RAB8B: variants seen among roughly 807,000 people sequenced by gnomAD.
The protein encoded by RAB8B is ras-related protein Rab-8B.
A neutral mutation model predicts 32.0 loss-of-function variants in RAB8B; 11 were observed. That is an observed-to-expected ratio of 0.34 (90% CI 0.22 to 0.57). RAB8B has a LOEUF of 0.57. Ranked by LOEUF, RAB8B falls within the 20% of genes least tolerant of loss-of-function variation. RAB8B has a pLI of 0.86. For synonymous variants in RAB8B, 103 were observed against 89.6 expected (o/e 1.15, Z -0.85); for missense variants, 190 against 258.5 (o/e 0.73, Z 1.82).
intron 1 of RAB8B, among the ~76,000 whole-genome samples, chr15:63,232,879 C>G (rs2037946839): frequency 6.6e-6 from 1 of 152,090 alleles, no homozygotes; most frequent in Non-Finnish European, 1.5e-5. Context: ...AAACTTTAGA[C>G]TTCCTAATTT....
intron 2 of RAB8B, among the ~76,000 whole-genome samples, chr15:63,245,519 C>T (rs1182839479): frequency 1.3e-5 from 2 of 152,156 alleles, no homozygotes; most frequent in Non-Finnish European, 2.9e-5. Flanking sequence ...ATTGGGTGTC[C>T]TATACCTTTT....
chr15:63,242,246 A>T (rs911696256), intron 1 of RAB8B, among the ~76,000 whole-genome samples: 2 of 151,926 alleles, frequency 1.3e-5, no homozygotes, highest in African/African-American at 4.8e-5. Context: ...TACCACACAG[A>T]GAAAAAAGGA....
rs1387010389 is a variant in RAB8B at position 63,265,474 on chromosome 15, C to T, written c.*1855C>T. Reference sequence around the variant, plus strand: ...TGATTGAAAGTTTATTGTAATTCTACTATCTTCAAATTAGATACATTTTCA... The same window carrying T: ...TGATTGAAAGTTTATTGTAATTCTATTATCTTCAAATTAGATACATTTTCA... On this transcript the variant is annotated 3_prime_UTR_variant, in exon 8 of 8. Coordinates refer to ENST00000321437, the MANE Select transcript of RAB8B (RefSeq NM_016530.3). This position sits in a 1 kb window ranked among gnomAD's most constrained non-coding sequence, Gnocchi z 4.9. The T allele has an allele frequency of 1.3e-5, 2 of 152,004 alleles. No individual in the cohort carries two copies. The highest frequency in any genetic ancestry group is 3.9e-4 in the East Asian group (2 of 5,180). 9.4% of individuals were successfully genotyped at this position (152,004 alleles called of 1,614,324 possible).
intron 1 of RAB8B, among the ~76,000 whole-genome samples, chr15:63,203,013 CTA>C (rs1201638858): frequency 6.6e-6 from 1 of 152,210 alleles, no homozygotes; most frequent in African/African-American, 2.4e-5. Context: ...ATTGGTTTCT[CTA>C]TGGCCCAAAA....
intron 1 of RAB8B, among the ~76,000 whole-genome samples, chr15:63,234,659 C>T (rs2037963255): frequency 6.6e-6 from 1 of 152,232 alleles, no homozygotes; most frequent in Non-Finnish European, 1.5e-5. Flanking sequence ...TTACCCCTCA[C>T]TGGTGCCACG....
At chr15:63,223,200 C>T in intron 1 of RAB8B, 1 of 373,018 alleles carries the variant, frequency 2.7e-6, no homozygotes, top group Admixed American at 3.1e-5. Context: ...CAACCTCCAC[C>T]TCCCGGGTTC....
intron 1 of RAB8B, among the ~76,000 whole-genome samples, chr15:63,231,439 A>G (rs2037935487): frequency 1.3e-5 from 2 of 151,480 alleles, no homozygotes; most frequent in African/African-American, 4.8e-5. Context: ...TGATTTGGCA[A>G]TATGGTCTTC....
chr15:63,251,306 G>C, intron 3 of RAB8B: 1 of 455,980 alleles, frequency 2.2e-6, no homozygotes, highest in Non-Finnish European at 4.4e-6. Context: ...GGGATAAAAA[G>C]AACATCATAA....
In RAB8B at chr15:63,256,656, A is replaced by G. The variant is rs1198912178; in HGVS notation, c.414+62A>G. On this transcript the variant is annotated intron_variant, in intron 5 of 7. Coordinates refer to ENST00000321437, the MANE Select transcript of RAB8B (RefSeq NM_016530.3). ...CTCACATTAAGCATTTCTTTTCTTC[A>G]TATTATTTAATTATTGATTTTTTTT... 9 of 1,190,822 alleles carry G rather than the reference A, an allele frequency of 7.6e-6. 1 individual carries two copies. The highest frequency in any genetic ancestry group is 6.4e-5 in the African/African-American group (4 of 62,842). 73.8% of individuals were successfully genotyped at this position (1,190,822 alleles called of 1,614,324 possible). A position where few individuals can be genotyped will look rare whatever the true frequency, so the allele number is the denominator to read the frequency against.
chr15:63,254,113 G>A (rs764666577), intron 3 of RAB8B, among the ~76,000 whole-genome samples: 12 of 152,162 alleles, frequency 7.9e-5, no homozygotes, highest in Non-Finnish European at 1.6e-4. Flanking sequence ...CAATCCAGCG[G>A]TCTCTGGTTC....
chr15:63,259,766 G>T lies in RAB8B; in HGVS notation c.480+74G>T. On this transcript the variant is annotated intron_variant, in intron 6 of 7. Transcript: ENST00000321437. The surrounding 1 kb of genome is among the most constrained non-coding windows in gnomAD (Gnocchi z 4.4). Reference sequence around the variant, plus strand: ...GGGGCCTGTGTTCAAACAGCTCTCAGAGCTTTGGTATTTTCTGACCTAATG... The same window carrying T: ...GGGGCCTGTGTTCAAACAGCTCTCATAGCTTTGGTATTTTCTGACCTAATG... 7.6e-7 allele frequency: 1 copy of T among 1,316,498 alleles called. No individual in the cohort carries two copies. The highest frequency in any genetic ancestry group is 1.1e-6 in the Non-Finnish European group (1 of 919,566). 81.6% of individuals were successfully genotyped at this position (1,316,498 alleles called of 1,614,324 possible).
chr15:63,256,374 C>G, intron 4 of RAB8B, 131 bp from the exon 5 acceptor site: 1 of 611,438 alleles, frequency 1.6e-6, no homozygotes, highest in Non-Finnish European at 2.7e-6. Context: ...AAACTTTTCT[C>G]TGAATTAGGC....
At chr15:63,246,951 C>A (rs1295257681) in intron 2 of RAB8B, among the ~76,000 whole-genome samples, 1 of 152,102 alleles carries the variant, frequency 6.6e-6, no homozygotes, top group Non-Finnish European at 1.5e-5. Flanking sequence ...GAGCAGAGAC[C>A]AAATATGTTT....
intron 1 of RAB8B, among the ~76,000 whole-genome samples, chr15:63,218,673 G>A (rs2037813862): frequency 6.6e-6 from 1 of 152,114 alleles, no homozygotes; most frequent in South Asian, 2.1e-4. Flanking sequence ...TTTTGTGATG[G>A]GCGTTTCTCT....
intron 3 of RAB8B, among the ~76,000 whole-genome samples, chr15:63,252,015 A>G (rs2038120768): frequency 6.6e-6 from 1 of 152,014 alleles, no homozygotes; most frequent in African/African-American, 2.4e-5. Context: ...CCTGATGGAC[A>G]TTTGGGCTTT....
chr15:63,233,988 G>C (rs2037956944), intron 1 of RAB8B, among the ~76,000 whole-genome samples: 2 of 152,074 alleles, frequency 1.3e-5, no homozygotes, highest in South Asian at 4.1e-4. Flanking sequence ...TTTTTTTCAA[G>C]GTTCTCATGA....
chr15:63,232,471 T>G (rs1306437271), intron 1 of RAB8B, among the ~76,000 whole-genome samples: 1 of 152,202 alleles, frequency 6.6e-6, no homozygotes, highest in Non-Finnish European at 1.5e-5. Flanking sequence ...TATGATTAGA[T>G]CTTATGGGTA....
chr15:63,258,081 G>T (rs2038172729), intron 5 of RAB8B, among the ~76,000 whole-genome samples: 2 of 148,864 alleles, frequency 1.3e-5, no homozygotes, highest in South Asian at 2.2e-4. Context: ...AAAAAAAAAA[G>T]TAATTAAAAG....
Position 63,250,460 on chromosome 15 carries a change from C to A in RAB8B, c.246+755C>A, listed in dbSNP as rs376733815. Among the ~76,000 whole-genome samples, 102 of 152,298 alleles carry A rather than the reference C, an allele frequency of 6.7e-4. 1 individual carries two copies. Among genetic ancestry groups the A allele is most frequent in the African/African-American group, 2.4e-3 (99 of 41,550 alleles). Reference sequence around the variant, plus strand: ...ATCCCCCTGACCACCATTCTGCCAGCTGGCCGGAAAGAATCTGGTGAATCT... The same window carrying A: ...ATCCCCCTGACCACCATTCTGCCAGATGGCCGGAAAGAATCTGGTGAATCT... On this transcript the variant is annotated intron_variant, in intron 3 of 7. Transcript: ENST00000321437.
Sources: allele counts gnomAD v4.1 joint callset (sites outside exome capture counted in the v4.1 genomes callset), GRCh38; gene constraint gnomAD v4.1.1; non-coding constraint Gnocchi (gnomAD v3.1); transcripts MANE v1.5; gene names NCBI Gene and HGNC (gene_info 2026-07-23, HGNC 2026-07-21).